Variants in GSE1 observed in about 807,000 individuals in gnomAD.
GSE1 encodes the protein genetic suppressor element 1.
In GSE1, 32 loss-of-function variants were observed where a neutral mutation model predicts 112.6. That is an observed-to-expected ratio of 0.28 (90% CI 0.21 to 0.38). The LOEUF is 0.38. GSE1 is among the 10% of genes least tolerant of loss of function. GSE1 has a pLI of 1.00. For missense variants in GSE1, 2,348 were observed against 1,699.2 expected (o/e 1.38, Z -6.71); for synonymous variants, 1,115 against 735.6 (o/e 1.52, Z -8.35).
chr16:85,604,237 C>G (rs181944438), intron 1 of GSE1, among the ~76,000 whole-genome samples: 1 of 152,194 alleles, frequency 6.6e-6, no homozygotes. Flanking sequence ...TTGCCTGTTC[C>G]GGGCATTTCA....
chr16:85,577,482 G>A (rs2046275383), intron 1 of GSE1, among the ~76,000 whole-genome samples: 1 of 152,150 alleles, frequency 6.6e-6, no homozygotes, highest in African/African-American at 2.4e-5. Flanking sequence ...TCCATCCTGG[G>A]CTAGCCAGAG....
chr16:85,501,547 A>G (rs964596030), intron 2 of GSE1, among the ~76,000 whole-genome samples: 1 of 151,942 alleles, frequency 6.6e-6, no homozygotes, highest in Non-Finnish European at 1.5e-5. Flanking sequence ...GTGTGCCACC[A>G]TGCCCAGCTA....
chr16:85,347,771 C>T (rs1390683401), intron 1 of GSE1, among the ~76,000 whole-genome samples: 5 of 140,392 alleles, frequency 3.6e-5, no homozygotes, highest in African/African-American at 5.1e-5. Context: ...ATAGTGGCTG[C>T]GGGCATTGCA....
Position 85,624,868 on chromosome 16 carries a change from T to C in GSE1, c.8-9046T>C, listed in dbSNP as rs550403958. The stretch of plus-strand genomic sequence containing the variant: ...CGGAGGGGCTGGGAATCGGCCGGCA[T>C]GGGTGAGCCCCCGGCTCTGTCTCAG... On this transcript the variant is annotated intron_variant, in intron 1 of 15. Transcript: ENST00000253458. Among the ~76,000 whole-genome samples the C allele has an allele frequency of 9.6e-4, 146 of 152,330 alleles. 1 individual carries two copies. The highest frequency in any genetic ancestry group is 3.5e-3 in the African/African-American group (144 of 41,578).
Position 85,257,725 on chromosome 16 carries a change from C to T in GSE1, c.2283+85918C>T, listed in dbSNP as rs1006174203. Among the ~76,000 whole-genome samples, 4 of 152,194 alleles carry T rather than the reference C, an allele frequency of 2.6e-5. No individual in the cohort carries two copies. The East Asian group carries it at 7.7e-4, about 29-fold the overall frequency. On this transcript the variant is annotated intron_variant, in intron 1 of 2. Coordinates refer to the GSE1 transcript ENST00000637419. ...ACTGGTGAGGCTGAGGTGAGAGAAT[C>T]ACTTGAGCCCAGTCCTTTGAGTGAG...
chr16:85,243,154 G>A (rs1055063993), intron 1 of GSE1, among the ~76,000 whole-genome samples: 5 of 152,208 alleles, frequency 3.3e-5, no homozygotes, highest in African/African-American at 1.2e-4. Flanking sequence ...ACACACAAAT[G>A]TATCAGTTTG....
intron 1 of GSE1, among the ~76,000 whole-genome samples, chr16:85,314,165 C>G (rs1314601746): frequency 1.3e-5 from 2 of 152,190 alleles, no homozygotes; most frequent in Admixed American, 1.3e-4. Flanking sequence ...CAGCCTCCCT[C>G]CCCTGAGGCA....
chr16:85,243,584 T>C (rs767477842), intron 1 of GSE1, among the ~76,000 whole-genome samples: 6 of 152,182 alleles, frequency 3.9e-5, no homozygotes, highest in Non-Finnish European at 5.9e-5. Flanking sequence ...AGTGTTGGCC[T>C]CTATGCAGCA....
chr16:85,645,492 G>C (rs548925455), intron 2 of GSE1, among the ~76,000 whole-genome samples: 3 of 152,146 alleles, frequency 2.0e-5, no homozygotes, highest in Non-Finnish European at 4.4e-5. Context: ...ACTTGCCCTC[G>C]GGACAGGGCA....
chr16:85,189,422 G>C (rs749251412), intron 1 of GSE1, among the ~76,000 whole-genome samples: 8 of 152,172 alleles, frequency 5.3e-5, no homozygotes, highest in Middle Eastern at 6.3e-3. Context: ...TTCCTTGCCA[G>C]CTGTGGGAGT....
intron 2 of GSE1, among the ~76,000 whole-genome samples, chr16:85,435,281 A>G (rs976433138): frequency 9.2e-5 from 14 of 151,964 alleles, no homozygotes; most frequent in Non-Finnish European, 1.6e-4. Flanking sequence ...CCCCAGCTCT[A>G]GAGATGGAGA....
At chr16:85,669,996 C>T (rs909150337) in intron 14 of GSE1, among the ~76,000 whole-genome samples, 1 of 152,250 alleles carries the variant, frequency 6.6e-6, no homozygotes, top group Non-Finnish European at 1.5e-5. Flanking sequence ...TTAGGATCGC[C>T]TTATATTCAC....
At position 85,672,876 on chromosome 16, in the gene GSE1, T is replaced by C. The variant is rs559874272; in HGVS notation, c.*337T>C. Reference sequence around the variant, plus strand: ...TAAAACTTGATCATTAACAGCCCCCTGTGCATATGAGTGGATCAAACCGGT... The same window carrying C: ...TAAAACTTGATCATTAACAGCCCCCCGTGCATATGAGTGGATCAAACCGGT... On this transcript the variant is annotated 3_prime_UTR_variant, in exon 16 of 16. Transcript: ENST00000253458. 2 of 176,958 alleles carry C rather than the reference T, an allele frequency of 1.1e-5. No individual in the cohort carries two copies. The highest frequency in any genetic ancestry group is 3.0e-4 in the South Asian group (2 of 6,756). 11.0% of individuals were successfully genotyped at this position (176,958 alleles called of 1,614,324 possible). A position where few individuals can be genotyped will look rare whatever the true frequency, so the allele number is the denominator to read the frequency against.
chr16:85,284,161 C>T (rs1037764187), intron 1 of GSE1, among the ~76,000 whole-genome samples: 4 of 152,020 alleles, frequency 2.6e-5, no homozygotes, highest in South Asian at 2.1e-4. Context: ...GGAGAAGGCC[C>T]GGCGGGTCGG....
At chr16:85,399,749 C>T (rs1412819117) in intron 2 of GSE1, among the ~76,000 whole-genome samples, 1 of 152,234 alleles carries the variant, frequency 6.6e-6, no homozygotes, top group East Asian at 1.9e-4. Context: ...GCGGGGTGCA[C>T]ATTCTGCTGA....
chr16:85,170,123 C>A (rs2074334747), exon 1 of GSE1: 1 of 985,294 alleles, frequency 1.0e-6, no homozygotes, highest in Non-Finnish European at 1.2e-6. Context: ...CAGGACGGGG[C>A]CCCAGGGCCA....
rs773464646 is a variant in GSE1 at position 85,655,876 on chromosome 16, A to G, written c.948A>G (p.Ala316=). 1.9e-6 allele frequency: 3 copies of G among 1,607,656 alleles called. No homozygotes were observed. The highest frequency in any genetic ancestry group is 2.5e-6 in the Non-Finnish European group (3 of 1,179,800). ...CCGAGCTCTCCCACTCATCCCTGGC[A>G]GCGCTGCACTCGGAGCGCATGTCTG... is the stretch of plus-strand genomic sequence containing the variant. The part of the protein sequence containing the change: ...YPPELSHSSL[A]ALHSERMSGL... Residue 316 remains alanine, a synonymous_variant, in exon 6 of 16, where the codon GCA becomes GCG. Coordinates refer to ENST00000253458, the MANE Select transcript of GSE1 (RefSeq NM_014615.5).
intron 1 of GSE1, among the ~76,000 whole-genome samples, chr16:85,240,781 TCTTGGCTGAATTGTA>T (rs1325795692): frequency 1.3e-5 from 2 of 152,184 alleles, no homozygotes; most frequent in Admixed American, 1.3e-4. Context: ...ACTTCGTCTC[TCTTGGCTGAATTGTA>T]TTCAGAGGCT....
chr16:85,253,582 C>G (rs1906748801), intron 1 of GSE1, among the ~76,000 whole-genome samples: 2 of 152,170 alleles, frequency 1.3e-5, no homozygotes, highest in South Asian at 2.1e-4. Flanking sequence ...GCTCACTGTG[C>G]CAGGGTGGGC....
Sources: gnomAD v4.1 joint callset for allele counts (sites outside exome capture counted in the v4.1 genomes callset) on GRCh38, gnomAD v4.1.1 for gene constraint, MANE v1.5 for transcripts, NCBI Gene and HGNC (gene_info 2026-07-23, HGNC 2026-07-21) for gene names.